OXR1: variants seen among roughly 807,000 people sequenced by gnomAD.
OXR1 encodes the protein oxidation resistance 1.
A neutral mutation model predicts 104.6 loss-of-function variants in OXR1; 41 were observed. That is an observed-to-expected ratio of 0.39 (90% CI 0.31 to 0.51). The LOEUF (loss-of-function observed/expected upper bound fraction) is 0.51, where lower values mean the gene tolerates loss of function less well. OXR1 is among the 20% of genes least tolerant of loss of function. The probability of loss-of-function intolerance (pLI) is 0.77; values close to 1 mark genes in which losing one functional copy is unlikely to be tolerated. For synonymous variants in OXR1, 348 were observed against 348.4 expected (o/e 1.00, Z 0.01); for missense variants, 955 against 1,031.9 (o/e 0.93, Z 1.02).
chr8:106,355,907 C>T (rs1815947429), intron 1 of OXR1, among the ~76,000 whole-genome samples: 1 of 152,120 alleles, frequency 6.6e-6, no homozygotes, highest in South Asian at 2.1e-4. Flanking sequence ...AAACAATACC[C>T]TGTCAAAGAA....
intron 1 of OXR1, among the ~76,000 whole-genome samples, chr8:106,330,248 ATTTC>A (rs1440672802): frequency 2.0e-5 from 3 of 152,184 alleles, no homozygotes; most frequent in Non-Finnish European, 2.9e-5. Context: ...GAGGACAACT[ATTTC>A]TTTCTCAAAA....
At chr8:106,663,129 G>T (rs998275097) in intron 3 of OXR1, among the ~76,000 whole-genome samples, 1 of 152,128 alleles carries the variant, frequency 6.6e-6, no homozygotes, top group Non-Finnish European at 1.5e-5. Context: ...TCAGCCTATA[G>T]CAAGAATGAT....
chr8:106,403,727 G>T (rs12548093), intron 2 of OXR1, among the ~76,000 whole-genome samples: 17,778 of 152,200 alleles, frequency 0.12, 1,496 homozygotes, highest in East Asian at 0.42. Flanking sequence ...ATAAACTGCT[G>T]GAGTCTAGAT....
At chr8:106,678,584 C>T (rs914536395) in intron 3 of OXR1, among the ~76,000 whole-genome samples, 11 of 151,834 alleles carry the variant, frequency 7.2e-5, no homozygotes, top group African/African-American at 2.7e-4. Context: ...AGCAGTTTCG[C>T]TAATCTTGAT....
chr8:106,345,451 T>C (rs1815439967), intron 1 of OXR1, among the ~76,000 whole-genome samples: 1 of 152,236 alleles, frequency 6.6e-6, no homozygotes, highest in African/African-American at 2.4e-5. Flanking sequence ...GCTAGAATTT[T>C]CACAAAAGTT....
chr8:106,670,741 G>A (rs866747576), intron 3 of OXR1, among the ~76,000 whole-genome samples: 3 of 151,924 alleles, frequency 2.0e-5, no homozygotes, highest in Non-Finnish European at 2.9e-5. Flanking sequence ...ATAGGAGAAG[G>A]TAAGTTCAAT....
At chr8:106,302,290 A>T (rs1235467102) in intron 1 of OXR1, among the ~76,000 whole-genome samples, 1 of 152,206 alleles carries the variant, frequency 6.6e-6, no homozygotes, top group Admixed American at 6.5e-5. Flanking sequence ...CTTAAAAAAA[A>T]ATCAATAATC....
chr8:106,306,411 T>C (rs1488480916), intron 1 of OXR1, among the ~76,000 whole-genome samples: 2 of 152,094 alleles, frequency 1.3e-5, no homozygotes, highest in Non-Finnish European at 2.9e-5. Flanking sequence ...AGGAGCCAGC[T>C]CCCTATTAAA....
Position 106,585,888 on chromosome 8 carries a change from T to C in OXR1, c.220+66749T>C, listed in dbSNP as rs147018823. 8.2e-4 allele frequency among the ~76,000 whole-genome samples: 125 copies of C among 152,290 alleles called. 1 individual carries two copies. The highest frequency in any genetic ancestry group is 3.5e-3 in the Admixed American group (54 of 15,294). ...CATATTTCAGAAATATCCAGGTACA[T>C]GTTACTAGAGTGAACAACAGGAGAA... On this transcript the variant is annotated intron_variant, in intron 3 of 16. Transcript: ENST00000517566.
At chr8:106,386,369 A>C (rs1012148546) in intron 2 of OXR1, among the ~76,000 whole-genome samples, 1 of 152,202 alleles carries the variant, frequency 6.6e-6, no homozygotes, top group Non-Finnish European at 1.5e-5. Flanking sequence ...TAGGGTAGAG[A>C]GGAGATCCTT....
chr8:106,693,644 T>C (rs1829540829), intron 7 of OXR1, among the ~76,000 whole-genome samples: 1 of 152,040 alleles, frequency 6.6e-6, no homozygotes, highest in Non-Finnish European at 1.5e-5. Flanking sequence ...TTGGTCAGGC[T>C]GGTCTTAAAC....
chr8:106,588,112 C>T (rs540717392), intron 3 of OXR1, among the ~76,000 whole-genome samples: 19 of 151,968 alleles, frequency 1.3e-4, no homozygotes, highest in African/African-American at 2.9e-4. Flanking sequence ...CCACCACGCC[C>T]GGCTAATTAT....
intron 3 of OXR1, among the ~76,000 whole-genome samples, chr8:106,536,947 T>G (rs1368332903): frequency 6.6e-6 from 1 of 152,162 alleles, no homozygotes; most frequent in Non-Finnish European, 1.5e-5. Flanking sequence ...CTTGGCCAGT[T>G]TGAATTGTTA....
intron 3 of OXR1, among the ~76,000 whole-genome samples, chr8:106,663,111 A>G (rs1241599959): frequency 6.6e-6 from 1 of 152,182 alleles, no homozygotes; most frequent in Non-Finnish European, 1.5e-5. Context: ...ATTTCAGATA[A>G]GTGGTACTCA....
chr8:106,433,535 T>C (rs1264553275), intron 2 of OXR1, among the ~76,000 whole-genome samples: 1 of 152,198 alleles, frequency 6.6e-6, no homozygotes, highest in African/African-American at 2.4e-5. Context: ...TTATCAATTT[T>C]GTTTCAGAGT....
At chr8:106,336,266 A>T (rs1453031607) in intron 1 of OXR1, among the ~76,000 whole-genome samples, 1 of 152,200 alleles carries the variant, frequency 6.6e-6, no homozygotes, top group Non-Finnish European at 1.5e-5. Context: ...AGGAGTAGCC[A>T]TTGTCTGGCA....
intron 2 of OXR1, among the ~76,000 whole-genome samples, chr8:106,498,290 A>G (rs1160903290): frequency 6.6e-6 from 1 of 152,248 alleles, no homozygotes; most frequent in Non-Finnish European, 1.5e-5. Flanking sequence ...TGCCTAGATA[A>G]TAAATCTATA....
chr8:106,423,603 C>G (rs1047137062), intron 2 of OXR1, among the ~76,000 whole-genome samples: 1 of 152,138 alleles, frequency 6.6e-6, no homozygotes, highest in South Asian at 2.1e-4. Context: ...CAGTTGTTTA[C>G]TCAGTGGATT....
chr8:106,452,649 A>T (rs1443019177), intron 2 of OXR1, among the ~76,000 whole-genome samples: 1 of 152,162 alleles, frequency 6.6e-6, no homozygotes, highest in African/African-American at 2.4e-5. Context: ...TCACCAATTT[A>T]CTGTTCCTGG....
Sources: allele counts gnomAD v4.1 joint callset (sites outside exome capture counted in the v4.1 genomes callset), GRCh38; gene constraint gnomAD v4.1.1; transcripts MANE v1.5; gene names NCBI Gene and HGNC (gene_info 2026-07-23, HGNC 2026-07-21).